DEF8: variants seen among roughly 807,000 people sequenced by gnomAD.
The protein encoded by DEF8 is differentially expressed in FDCP 8 homolog, also known as DEF-8.
DEF8 carries 38 observed loss-of-function variants against 59.1 expected under a neutral mutation model. That is an observed-to-expected ratio of 0.64 (90% CI 0.50 to 0.84). The LOEUF is 0.84. Ranked by LOEUF, DEF8 falls within the 40% of genes least tolerant of loss-of-function variation. The pLI is 0.00. For missense variants in DEF8, 557 were observed against 615.2 expected, an observed-to-expected ratio of 0.91 and a Z score of 1.00; for synonymous variants, 265 against 250.1, an observed-to-expected ratio of 1.06 and a Z score of -0.56.
intron 5 of DEF8, 38 bp downstream of exon 5, chr16:89,957,698 G>T (rs1296805469): frequency 6.6e-7 from 1 of 1,512,102 alleles, no homozygotes; most frequent in Admixed American, 2.1e-5. Context: ...GCAGCCTGGG[G>T]CCGAGGCCAG....
chr16:89,959,417 G>A (rs2033721904), intron 6 of DEF8: 1 of 1,242,978 alleles, frequency 8.0e-7, no homozygotes, highest in Non-Finnish European at 1.1e-6. Context: ...CCTAGCACGT[G>A]TTAGGGTGGA....
At chr16:89,949,710 T>C in intron 2 of DEF8, 197 bp downstream of exon 2, 1 of 1,415,996 alleles carries the variant, frequency 7.1e-7, no homozygotes, top group Non-Finnish European at 9.6e-7. Flanking sequence ...CCGGCTTTCT[T>C]CGGCTTCCTT....
intron 1 of DEF8, 26 bp downstream of exon 1, chr16:89,948,840 C>G: frequency 1.2e-6 from 1 of 827,104 alleles, no homozygotes; most frequent in Non-Finnish European, 1.4e-6. Flanking sequence ...CCGGCGGGGT[C>G]GGGGCCGGCG....
At chr16:89,962,200 T>G in intron 9 of DEF8, 75 bp downstream of exon 9, 1 of 1,330,438 alleles carries the variant, frequency 7.5e-7, no homozygotes, top group Non-Finnish European at 1.1e-6. Context: ...CAGTACCCTC[T>G]TCTCCTCTGG....
intron 2 of DEF8, among the ~76,000 whole-genome samples, chr16:89,950,715 C>A (rs905647428): frequency 6.6e-6 from 1 of 152,184 alleles, no homozygotes; most frequent in African/African-American, 2.4e-5. Context: ...CATGGTAGCT[C>A]ACACCTATAA....
intron 8 of DEF8, 24 bp from the exon 9 acceptor site, chr16:89,961,988 G>T: frequency 1.2e-5 from 20 of 1,612,758 alleles, no homozygotes; most frequent in Non-Finnish European, 1.7e-5. Context: ...GGTGTGAGAG[G>T]TGTCACCCGG....
chr16:89,963,245 G>A (rs1313550610), intron 9 of DEF8, 118 bp from the exon 10 acceptor site: 29 of 742,360 alleles, frequency 3.9e-5, no homozygotes, highest in Middle Eastern at 2.9e-4. Flanking sequence ...CTCAGATCTC[G>A]GCCCTTCGTG....
In DEF8 at chr16:89,955,193, G is replaced by A. The variant is rs2032946926; in HGVS notation, c.149G>A (p.Gly50Glu). Residue 50 changes from glycine (G) to glutamate (E), a missense_variant, in exon 4 of 13, where the codon GGG becomes GAG. Physicochemically the swap from Gly to Glu is moderately conservative, Grantham distance 98 (BLOSUM62 -2). Transcript: ENST00000563594. ...GAGGCCCTGCCTGAGCTGCCCCCTG[G>A]GGAGCCGGAATTCCGCTGCCCTGAA... ...PEEALPELPP[G>E]EPEFRCPERV... 1 of 1,613,670 alleles carries A rather than the reference G, an allele frequency of 6.2e-7. No individual in the cohort carries two copies. The highest frequency in any genetic ancestry group is 8.5e-7 in the Non-Finnish European group (1 of 1,179,958).
intron 12 of DEF8, among the ~76,000 whole-genome samples, chr16:89,965,363 C>T (rs1039593933): frequency 1.7e-4 from 26 of 152,296 alleles, no homozygotes; most frequent in African/African-American, 5.8e-4. Flanking sequence ...CTCTACAGAG[C>T]GATGGTGTCA....
rs748310678 is a variant in DEF8 at position 89,963,348 on chromosome 16, C to A, written c.922-15C>A. On this transcript the variant is annotated splice_polypyrimidine_tract_variant and intron_variant, in intron 9 of 12. Coordinates refer to ENST00000563594, the MANE Select transcript of DEF8 (RefSeq NM_001242818.2). ...CCTGGCTGAGGAGGCCTGCCTGCTC[C>A]CGCCTTGTTTGCAGAAGCTGCGCCA... 1 of 1,612,318 alleles carries A rather than the reference C, an allele frequency of 6.2e-7. No homozygotes were observed. The highest frequency in any genetic ancestry group is 1.3e-5 in the African/African-American group (1 of 74,846).
Position 89,965,949 on chromosome 16 carries a change from G to A in DEF8, c.1342G>A (p.Asp448Asn), listed in dbSNP as rs756500620. Residue 448 changes from aspartate (D) to asparagine (N), a missense_variant, in exon 13 of 13, where the codon GAT (aspartate) becomes AAT (asparagine). Coordinates refer to ENST00000563594, the MANE Select transcript of DEF8 (RefSeq NM_001242818.2). The stretch of plus-strand genomic sequence containing the variant: ...GTCGCTCTTCCAGGAGCCAGGTCCC[G>A]ATGTGGAGGCCTAGCGCCGAGGAAC... ...KQSLFQEPGPDVEA is the reference protein window; with the variant it reads ...KQSLFQEPGPNVEA The A allele has an allele frequency of 6.8e-6, 11 of 1,612,750 alleles. No homozygotes were observed. Among genetic ancestry groups the A allele is most frequent in the Middle Eastern group, 1.7e-4 (1 of 6,058 alleles).
At chr16:89,957,056 C>T (rs181063414) in intron 4 of DEF8, among the ~76,000 whole-genome samples, 4 of 152,292 alleles carry the variant, frequency 2.6e-5, no homozygotes, top group African/African-American at 9.6e-5. Flanking sequence ...CGCTATGTGG[C>T]GAAAGCAACC....
chr16:89,965,982 G>C lies in DEF8; in HGVS notation c.*19G>C, dbSNP rs1337472094. ...GGCCTAGCGCCGAGGAACAGTGCTG[G>C]GCACCCCGCCTGGCCCGCCAGGACC... On this transcript the variant is annotated 3_prime_UTR_variant, in exon 13 of 13. Transcript: ENST00000563594. 3.1e-6 allele frequency: 5 copies of C among 1,593,710 alleles called. No individual in the cohort carries two copies. The highest frequency in any genetic ancestry group is 4.3e-6 in the Non-Finnish European group (5 of 1,165,644).
chr16:89,957,425 G>T, intron 4 of DEF8, 86 bp from the exon 5 acceptor site: 1 of 1,434,252 alleles, frequency 7.0e-7, no homozygotes. Flanking sequence ...GTCGGGGTCT[G>T]CTCTGGGCCT....
At position 89,961,062 on chromosome 16, in the gene DEF8, C is replaced by G; in HGVS notation, c.646C>G (p.Arg216Gly). The change falls in exon 7 of 13, where the codon CGC (arginine) becomes GGC (glycine). Residue 216 changes from arginine to glycine, a missense_variant. Transcript: ENST00000563594. ...GACAGGGCTGGACAGCCAGGATTAC[C>G]GCTGTGCCGAGTGCCGGGCGCCCAT... ...PETGLDSQDY[R>G]CAECRAPISL... 1 of 1,613,710 alleles carries G rather than the reference C, an allele frequency of 6.2e-7. No homozygotes were observed. The highest frequency in any genetic ancestry group is 8.5e-7 in the Non-Finnish European group (1 of 1,179,720).
rs2033962968 is a variant in DEF8 at position 89,961,071 on chromosome 16, G to A, written c.655G>A (p.Glu219Lys). 3.1e-6 allele frequency: 5 copies of A among 1,612,998 alleles called. No homozygotes were observed. Among genetic ancestry groups the A allele is most frequent in the Admixed American group, 1.7e-5 (1 of 59,972 alleles). ...GLDSQDYRCA[E>K]CRAPISLRGV... ...GGACAGCCAGGATTACCGCTGTGCC[G>A]AGTGCCGGGCGCCCATCTCTCTGCG... is the stretch of plus-strand genomic sequence containing the variant. Residue 219 changes from glutamate to lysine, a missense_variant, in exon 7 of 13, where the codon GAG becomes AAG. Transcript: ENST00000563594.
rs751483293 is a variant in DEF8, at chr16:89,963,429, C to T, written c.988C>T (p.Arg330Cys). The T allele has an allele frequency of 9.3e-6, 15 of 1,613,438 alleles. No individual in the cohort carries two copies. The highest frequency in any genetic ancestry group is 2.2e-5 in the East Asian group (1 of 44,850). The change falls in exon 10 of 13, where the codon CGT (arginine) becomes TGT (cysteine). Residue 330 changes from arginine (R) to cysteine (C), a missense_variant. Arg to Cys is a radical substitution (Grantham distance 180). Transcript: ENST00000563594. ...FITCREAMEARLLLQLQDRQH... is the reference protein window; with the variant it reads ...FITCREAMEACLLLQLQDRQH... ...CACCTGCAGGGAGGCCATGGAGGCT[C>T]GTCTGCTGCTGCAGGTCAGACTGCC...
Position 89,965,658 on chromosome 16 carries a change from G to A in DEF8, c.1254-203G>A, listed in dbSNP as rs549506368. The stretch of plus-strand genomic sequence containing the variant: ...GTGTGGTTGGGGGATAGCAGGTAGC[G>A]TGAGGACCCCTGGAGGTCCACATCT... On this transcript the variant is annotated intron_variant, in intron 12 of 12. Coordinates refer to ENST00000563594, the MANE Select transcript of DEF8 (RefSeq NM_001242818.2). Among the ~76,000 whole-genome samples, 11 of 152,224 alleles carry A rather than the reference G, an allele frequency of 7.2e-5. No individual in the cohort carries two copies. The East Asian group carries it at 1.9e-3, about 27-fold the overall frequency.
At chr16:89,949,641 C>A in intron 2 of DEF8, 128 bp downstream of exon 2, 1 of 1,608,384 alleles carries the variant, frequency 6.2e-7, no homozygotes, top group South Asian at 1.1e-5. Context: ...GAGGCCAGGT[C>A]CGTGCATCCC....
Sources: gnomAD v4.1 joint callset for allele counts (sites outside exome capture counted in the v4.1 genomes callset) on GRCh38, gnomAD v4.1.1 for gene constraint, MANE v1.5 for transcripts, NCBI Gene and HGNC (gene_info 2026-07-23, HGNC 2026-07-21) for gene names.